PPP2R5A: variants seen among roughly 807,000 people sequenced by gnomAD.
The protein encoded by PPP2R5A is protein phosphatase 2 regulatory subunit B'alpha, also known as serine/threonine-protein phosphatase 2A 56 kDa regulatory subunit alpha isoform.
A neutral mutation model predicts 64.2 loss-of-function variants in PPP2R5A; 25 were observed. That is an observed-to-expected ratio of 0.39 (90% CI 0.28 to 0.54). The LOEUF is 0.54. Ranked by LOEUF, PPP2R5A falls within the 20% of genes least tolerant of loss-of-function variation. PPP2R5A has a pLI of 0.67. For missense variants in PPP2R5A, 425 were observed against 576.3 expected, an observed-to-expected ratio of 0.74 and a Z score of 2.69; for synonymous variants, 198 against 201.2, an observed-to-expected ratio of 0.98 and a Z score of 0.13.
intron 8 of PPP2R5A, chr1:212,352,920 C>T (rs1218998922): frequency 1.9e-6 from 1 of 518,960 alleles, no homozygotes; most frequent in Non-Finnish European, 3.8e-6. Context: ...TTTGCTGTAA[C>T]TGATCTGCAA....
intron 1 of PPP2R5A, among the ~76,000 whole-genome samples, chr1:212,308,118 G>A (rs960223578): frequency 3.9e-5 from 6 of 152,116 alleles, no homozygotes; most frequent in Non-Finnish European, 8.8e-5. Flanking sequence ...ATTTTTGAAA[G>A]ATCGTTTTAT....
intron 1 of PPP2R5A, chr1:212,319,613 C>CTTTTT (rs200765692): frequency 1.8e-5 from 2 of 110,724 alleles, no homozygotes; most frequent in African/African-American, 7.4e-5. Flanking sequence ...TTTTTGTTTT[C>CTTTTT]TTTTCTTTTT....
chr1:212,308,538 A>G (rs1658963506), intron 1 of PPP2R5A, among the ~76,000 whole-genome samples: 1 of 151,444 alleles, frequency 6.6e-6, no homozygotes, highest in Non-Finnish European at 1.5e-5. Flanking sequence ...CCTCTTGAGT[A>G]GTTGGGACTA....
chr1:212,352,600 C>A (rs1251891522), intron 8 of PPP2R5A, among the ~76,000 whole-genome samples: 1 of 151,928 alleles, frequency 6.6e-6, no homozygotes, highest in South Asian at 2.1e-4. Flanking sequence ...CAGGCATGCA[C>A]CACCATGCCC....
chr1:212,357,803 CAAA>C (rs767448983), intron 11 of PPP2R5A: 3 of 117,966 alleles, frequency 2.5e-5, no homozygotes, highest in Non-Finnish European at 3.5e-5. Flanking sequence ...ATTCCGTCTC[CAAA>C]AAAAAAAAAA....
intron 3 of PPP2R5A, among the ~76,000 whole-genome samples, chr1:212,339,421 C>G (rs1659647756): frequency 6.6e-6 from 1 of 152,144 alleles, no homozygotes; most frequent in Non-Finnish European, 1.5e-5. Context: ...AGGTGATCCA[C>G]CCGCCTCAGG....
intron 1 of PPP2R5A, among the ~76,000 whole-genome samples, chr1:212,318,962 A>G (rs960885406): frequency 6.6e-6 from 1 of 152,222 alleles, no homozygotes; most frequent in African/African-American, 2.4e-5. Flanking sequence ...GATAATGCAG[A>G]TCAACTGTAT....
At chr1:212,332,071 GAGAT>G (rs908404498) in intron 2 of PPP2R5A, among the ~76,000 whole-genome samples, 3 of 152,164 alleles carry the variant, frequency 2.0e-5, no homozygotes, top group Non-Finnish European at 4.4e-5. Flanking sequence ...ACGCTCTTGT[GAGAT>G]AGATTTCTTT....
intron 1 of PPP2R5A, among the ~76,000 whole-genome samples, chr1:212,323,344 A>C (rs1659345896): frequency 6.6e-6 from 1 of 152,204 alleles, no homozygotes; most frequent in Non-Finnish European, 1.5e-5. Flanking sequence ...GTGCATATAA[A>C]ACACTTAGAA....
intron 1 of PPP2R5A, among the ~76,000 whole-genome samples, chr1:212,305,190 C>T (rs188525056): frequency 2.0e-5 from 3 of 151,672 alleles, no homozygotes; most frequent in Admixed American, 2.0e-4. Flanking sequence ...GCGCCCGCTA[C>T]CACGCCTGGC....
chr1:212,286,368 C>T (rs1658499126), intron 1 of PPP2R5A, 77 bp downstream of exon 1: 3 of 1,371,812 alleles, frequency 2.2e-6, no homozygotes, highest in Admixed American at 3.4e-5. Flanking sequence ...AGAGCCATTT[C>T]CTGCTGGGTT....
rs113267535 is a variant in PPP2R5A at position 212,359,258 on chromosome 1, T to C, written c.1328+471T>C. Among the ~76,000 whole-genome samples the C allele has an allele frequency of 1.4e-3, 219 of 152,344 alleles. 2 individuals are homozygous for C. The highest frequency in any genetic ancestry group is 5.1e-3 in the African/African-American group (212 of 41,582). On this transcript the variant is annotated intron_variant, in intron 12 of 12. Coordinates refer to ENST00000261461, the MANE Select transcript of PPP2R5A (RefSeq NM_006243.4). Reference sequence around the variant, plus strand: ...TCCAGAGTGAGCTTTACTTTTCAAGTGTTCTTTGTTAGCAGTAGGTAATTC... The same window carrying C: ...TCCAGAGTGAGCTTTACTTTTCAAGCGTTCTTTGTTAGCAGTAGGTAATTC...
chr1:212,330,796 T>C (rs192062473), intron 2 of PPP2R5A, among the ~76,000 whole-genome samples: 38 of 152,160 alleles, frequency 2.5e-4, no homozygotes, highest in Non-Finnish European at 5.0e-4. Flanking sequence ...CAAAAGGAAT[T>C]AGGAAATTTT....
chr1:212,294,583 CCTTT>C (rs1203661676), intron 1 of PPP2R5A, among the ~76,000 whole-genome samples: 2 of 152,134 alleles, frequency 1.3e-5, no homozygotes, highest in Non-Finnish European at 2.9e-5. Flanking sequence ...GAAATCTTTT[CCTTT>C]CTTTGGTTTT....
At chr1:212,310,650 T>C (rs1245669850) in intron 1 of PPP2R5A, among the ~76,000 whole-genome samples, 10 of 152,216 alleles carry the variant, frequency 6.6e-5, no homozygotes, top group African/African-American at 2.4e-4. Flanking sequence ...GGCTTGCCTC[T>C]TCCAGTGTGG....
intron 2 of PPP2R5A, among the ~76,000 whole-genome samples, chr1:212,329,632 A>T (rs965955223): frequency 2.6e-5 from 4 of 152,082 alleles, no homozygotes; most frequent in African/African-American, 9.7e-5. Context: ...GTGAATAGTT[A>T]CTGAGAACTT....
At chr1:212,303,921 T>C (rs1334793740) in intron 1 of PPP2R5A, among the ~76,000 whole-genome samples, 1 of 152,248 alleles carries the variant, frequency 6.6e-6, no homozygotes, top group Non-Finnish European at 1.5e-5. Context: ...CTGTCTTGAT[T>C]ACTTGTTTTA....
intron 1 of PPP2R5A, among the ~76,000 whole-genome samples, chr1:212,311,130 G>A (rs532856103): frequency 6.6e-6 from 1 of 152,246 alleles, no homozygotes; most frequent in African/African-American, 2.4e-5. Context: ...TGACTCACAT[G>A]TTTATGGTGA....
chr1:212,357,376 A>G, intron 11 of PPP2R5A, 92 bp downstream of exon 11: 1 of 1,222,576 alleles, frequency 8.2e-7, no homozygotes, highest in Non-Finnish European at 1.1e-6. Flanking sequence ...GAAACCTATT[A>G]CAGATTTGGA....
Sources: allele counts gnomAD v4.1 joint callset (sites outside exome capture counted in the v4.1 genomes callset), GRCh38; gene constraint gnomAD v4.1.1; transcripts MANE v1.5; gene names NCBI Gene and HGNC (gene_info 2026-07-23, HGNC 2026-07-21).